Variants in SKI observed in about 807,000 individuals in gnomAD.
The protein encoded by SKI is ski oncogene.
Under a neutral mutation model 59.3 loss-of-function variants are expected in SKI, and 23 were observed. The ratio of observed to expected loss-of-function variants is 0.39; its 90% CI spans 0.28 to 0.55. SKI has a LOEUF of 0.55. Among genes scored for constraint, SKI ranks in the 20% least tolerant of loss-of-function variants. The pLI is 0.67. For missense variants in SKI, 1,017 were observed against 1,038.9 expected (o/e 0.98, Z 0.29); for synonymous variants, 673 against 488.6 (o/e 1.38, Z -4.98).
Position 2,303,768 on chromosome 1 carries a change from G to A in SKI, c.1212-72G>A. 1 of 1,571,532 alleles carries A rather than the reference G, an allele frequency of 6.4e-7. No individual in the cohort carries two copies. Among genetic ancestry groups the A allele is most frequent in the South Asian group, 1.1e-5 (1 of 87,560 alleles). On this transcript the variant is annotated intron_variant, in intron 3 of 6. Transcript: ENST00000378536. This position sits in a 1 kb window ranked among gnomAD's most constrained non-coding sequence, Gnocchi z 5.6. The stretch of plus-strand genomic sequence containing the variant: ...TTCCTGTTTAACACCTTCAGAGGGG[G>A]TGTGCGCCAGGATGTGTCTGGGTGG...
rs143870456 is a variant in SKI at position 2,264,957 on chromosome 1, C to T, written c.969+35222C>T. 4.8e-3 allele frequency among the ~76,000 whole-genome samples: 726 copies of T among 152,064 alleles called. 4 individuals carry two copies. Among genetic ancestry groups the T allele is most frequent in the African/African-American group, 0.017 (689 of 41,462 alleles). ...TCCCGCGTACCTGGGATTACAGGCA[C>T]CCGCCACCACGCCTGGCTAATTTTT... On this transcript the variant is annotated intron_variant, in intron 1 of 6. Transcript: ENST00000378536.
At chr1:2,273,073 C>A (rs776159239) in intron 1 of SKI, among the ~76,000 whole-genome samples, 1 of 152,238 alleles carries the variant, frequency 6.6e-6, no homozygotes, top group African/African-American at 2.4e-5. Flanking sequence ...AGATGCCACA[C>A]GGCTCTTCCT....
intron 1 of SKI, among the ~76,000 whole-genome samples, chr1:2,265,704 C>T (rs1413811381): frequency 1.3e-5 from 2 of 152,178 alleles, no homozygotes; most frequent in African/African-American, 2.4e-5. Context: ...TGGTGACTCA[C>T]ACCAGTAATC....
chr1:2,236,808 C>T lies in SKI; in HGVS notation c.969+7073C>T, dbSNP rs564574800. Among the ~76,000 whole-genome samples the T allele has an allele frequency of 2.3e-4, 35 of 152,288 alleles. No homozygotes were observed. In the South Asian group the frequency reaches 6.8e-3, roughly 30 times the overall value. ...CTGGGAAGTTGCTGGAATATTATTA[C>T]CCTTGGCTGGTGAGGCTGAGTGCTG... On this transcript the variant is annotated intron_variant, in intron 1 of 6. Transcript: ENST00000378536.
chr1:2,271,695 C>T (rs946729688), intron 1 of SKI, among the ~76,000 whole-genome samples: 14 of 150,556 alleles, frequency 9.3e-5, no homozygotes, highest in Middle Eastern at 3.4e-3. Context: ...CGCCCCAGGG[C>T]GGGGATTGTG....
intron 1 of SKI, among the ~76,000 whole-genome samples, chr1:2,286,990 C>G (rs1295910032): frequency 6.6e-6 from 1 of 152,236 alleles, no homozygotes; most frequent in Non-Finnish European, 1.5e-5. Context: ...CAGGACATGG[C>G]TGCGTGCCCA....
chr1:2,238,062 G>A (rs1190227505), intron 1 of SKI, among the ~76,000 whole-genome samples: 2 of 152,318 alleles, frequency 1.3e-5, no homozygotes, highest in African/African-American at 2.4e-5. Flanking sequence ...CCAGGTCCCC[G>A]CCTGGTGTGG....
At chr1:2,291,221 A>G (rs1640155856) in intron 1 of SKI, among the ~76,000 whole-genome samples, 1 of 152,246 alleles carries the variant, frequency 6.6e-6, no homozygotes, top group African/African-American at 2.4e-5. Flanking sequence ...ATCGGAGGAA[A>G]AGAACGATAC....
chr1:2,238,069 G>A (rs1569685851), intron 1 of SKI, among the ~76,000 whole-genome samples: 1 of 152,350 alleles, frequency 6.6e-6, no homozygotes, highest in East Asian at 1.9e-4. Context: ...CCCGCCTGGT[G>A]TGGCTGCCCA....
chr1:2,242,788 G>T (rs1399374263), intron 1 of SKI, among the ~76,000 whole-genome samples: 1 of 152,214 alleles, frequency 6.6e-6, no homozygotes, highest in African/African-American at 2.4e-5. Context: ...CCAAAGTGCT[G>T]TGAGCCACCA....
At chr1:2,296,866 C>T (rs925113149) in intron 1 of SKI, among the ~76,000 whole-genome samples, 1 of 152,164 alleles carries the variant, frequency 6.6e-6, no homozygotes, top group Admixed American at 6.5e-5. Flanking sequence ...CGCTCGCAGC[C>T]TCGGCTCTAC....
chr1:2,308,299 GC>G lies in SKI; in HGVS notation c.*1537del, dbSNP rs1357199036. 6.6e-6 allele frequency: 1 copy of G among 152,252 alleles called. No homozygotes were observed. Among genetic ancestry groups the G allele is most frequent in the Non-Finnish European group, 1.5e-5 (1 of 68,048 alleles). The allele number at this position is 152,252 out of a possible 1,614,324, so 9.4% of individuals were successfully genotyped here. On this transcript the variant is annotated 3_prime_UTR_variant, in exon 7 of 7. Transcript: ENST00000378536. ...ACGAGCAAAGACCAGAGACTGCTGA[GC>G]CCTCGCATCTGGGTGGCGGAATTGC... is the stretch of plus-strand genomic sequence containing the variant.
chr1:2,231,915 C>T (rs1638647968), intron 1 of SKI, among the ~76,000 whole-genome samples: 3 of 152,234 alleles, frequency 2.0e-5, no homozygotes, highest in Admixed American at 6.5e-5. Context: ...GGCTCTGTGA[C>T]TGTGCACTTG....
intron 1 of SKI, among the ~76,000 whole-genome samples, chr1:2,292,925 G>C (rs1195302705): frequency 6.6e-6 from 1 of 152,228 alleles, no homozygotes; most frequent in Non-Finnish European, 1.5e-5. Flanking sequence ...CCCTCTCCCA[G>C]CCGAGGATGT....
chr1:2,304,176 C>T, intron 4 of SKI, 74 bp downstream of exon 4: 1 of 1,589,536 alleles, frequency 6.3e-7, no homozygotes, highest in South Asian at 1.1e-5. Flanking sequence ...GGGCTGGTCG[C>T]CGGGGGTGCG....
intron 1 of SKI, among the ~76,000 whole-genome samples, chr1:2,285,191 G>A (rs1292105757): frequency 6.6e-6 from 1 of 152,032 alleles, no homozygotes; most frequent in Non-Finnish European, 1.5e-5. Flanking sequence ...TTTTTGACAT[G>A]CATTTGGAAG....
chr1:2,248,977 C>T (rs973433152), intron 1 of SKI, among the ~76,000 whole-genome samples: 5 of 152,234 alleles, frequency 3.3e-5, no homozygotes, highest in Non-Finnish European at 7.3e-5. Flanking sequence ...GGCGCTGGCA[C>T]GGGGACTGTG....
chr1:2,230,566 G>A (rs1443680218), intron 1 of SKI, among the ~76,000 whole-genome samples: 2 of 152,198 alleles, frequency 1.3e-5, no homozygotes, highest in South Asian at 2.1e-4. Context: ...GGGGTGCGCC[G>A]GAGAGGGAGG....
chr1:2,230,113 C>T (rs1024334168), intron 1 of SKI, among the ~76,000 whole-genome samples: 1 of 152,188 alleles, frequency 6.6e-6, no homozygotes, highest in Non-Finnish European at 1.5e-5. Flanking sequence ...GGCCACGGCC[C>T]GGATGCCTCA....
Sources: gnomAD v4.1 joint callset for allele counts (sites outside exome capture counted in the v4.1 genomes callset) on GRCh38, gnomAD v4.1.1 for gene constraint, Gnocchi (gnomAD v3.1) non-coding constraint, MANE v1.5 for transcripts, NCBI Gene and HGNC (gene_info 2026-07-23, HGNC 2026-07-21) for gene names.